Variants in KCNJ6 observed in about 807,000 individuals in gnomAD.
KCNJ6 encodes potassium inwardly rectifying channel subfamily J member 6, also known as G protein-activated inward rectifier potassium channel 2.
Under a neutral mutation model 34.2 loss-of-function variants are expected in KCNJ6, and 9 were observed. The observed-to-expected ratio is 0.26, with a 90% CI of 0.16 to 0.46. The LOEUF is 0.46. KCNJ6 is among the 20% of genes least tolerant of loss of function. The pLI is 1.00. For synonymous variants in KCNJ6, 196 were observed against 207.1 expected, an observed-to-expected ratio of 0.95 and a Z score of 0.46; for missense variants, 236 against 531.3, an observed-to-expected ratio of 0.44 and a Z score of 5.46.
chr21:37,705,497 A>C (rs1193642644), intron 3 of KCNJ6, among the ~76,000 whole-genome samples: 1 of 152,254 alleles, frequency 6.6e-6, no homozygotes, highest in African/African-American at 2.4e-5. Context: ...CTATGAGAAC[A>C]GTATGATTCA....
chr21:37,636,067 C>T (rs1029037612), intron 3 of KCNJ6, among the ~76,000 whole-genome samples: 2 of 152,166 alleles, frequency 1.3e-5, no homozygotes, highest in African/African-American at 2.4e-5. Flanking sequence ...GGTCTGAGAA[C>T]GTGGAGTACT....
At chr21:37,858,972 T>C (rs772463818) in intron 1 of KCNJ6, among the ~76,000 whole-genome samples, 16 of 152,208 alleles carry the variant, frequency 1.1e-4, no homozygotes, top group Non-Finnish European at 1.9e-4. Flanking sequence ...CAAAAGTTTC[T>C]GTCTAAAGAA....
chr21:37,677,725 C>A (rs1001378540), intron 3 of KCNJ6, among the ~76,000 whole-genome samples: 21 of 151,982 alleles, frequency 1.4e-4, no homozygotes, highest in African/African-American at 4.6e-4. Context: ...TCCATCCATC[C>A]ATCCACTTCC....
intron 1 of KCNJ6, among the ~76,000 whole-genome samples, chr21:37,850,738 C>T (rs575980852): frequency 9.8e-4 from 149 of 152,216 alleles, no homozygotes; most frequent in African/African-American, 3.4e-3. Flanking sequence ...GAATGGCTTA[C>T]GTTTGTCTAA....
At chr21:37,814,934 T>C (rs1470386199) in intron 2 of KCNJ6, among the ~76,000 whole-genome samples, 2 of 146,068 alleles carry the variant, frequency 1.4e-5, no homozygotes, top group Non-Finnish European at 3.0e-5. Context: ...AATTTTTCCA[T>C]GGATGGAAAA....
At chr21:37,698,349 C>T (rs2054673288) in intron 3 of KCNJ6, among the ~76,000 whole-genome samples, 1 of 152,226 alleles carries the variant, frequency 6.6e-6, no homozygotes, top group African/African-American at 2.4e-5. Flanking sequence ...CTTGCTGCAT[C>T]CTGGCAGTGA....
chr21:37,885,663 A>C (rs929411644), intron 1 of KCNJ6, among the ~76,000 whole-genome samples: 3 of 152,232 alleles, frequency 2.0e-5, no homozygotes, highest in Admixed American at 2.0e-4. Context: ...GACAGCCACA[A>C]GAATGGGAAT....
rs186729467 is a variant in KCNJ6 at position 37,884,185 on chromosome 21, C to T, written c.-28+31699G>A. ...CTCTAGTATGTCTGGGCCTATAAGC[C>T]AGGTGTGTCGTCAGGGCTCTATGGA... On this transcript the variant is annotated intron_variant, in intron 1 of 3. Coordinates refer to ENST00000609713, the MANE Select transcript of KCNJ6 (RefSeq NM_002240.5). Among the ~76,000 whole-genome samples the T allele has an allele frequency of 2.4e-3, 367 of 152,294 alleles. 1 individual carries two copies. Among genetic ancestry groups the T allele is most frequent in the Middle Eastern group, 0.02 (6 of 294 alleles).
intron 2 of KCNJ6, among the ~76,000 whole-genome samples, chr21:37,815,715 A>C (rs904276624): frequency 2.0e-5 from 3 of 152,242 alleles, no homozygotes; most frequent in African/African-American, 7.2e-5. Flanking sequence ...ATGTCAGGTG[A>C]GTATGATGAA....
intron 2 of KCNJ6, among the ~76,000 whole-genome samples, chr21:37,789,622 CTTGTTA>C (rs546470216): frequency 6.6e-6 from 1 of 152,320 alleles, no homozygotes; most frequent in East Asian, 1.9e-4. Context: ...GAAAGGTTAA[CTTGTTA>C]AGGTTAGCAT....
intron 1 of KCNJ6, among the ~76,000 whole-genome samples, chr21:37,851,328 G>A (rs2055536398): frequency 6.6e-6 from 1 of 152,238 alleles, no homozygotes; most frequent in South Asian, 2.1e-4. Context: ...GCAAAAAAGT[G>A]TAGGGTGCAG....
chr21:37,852,395 A>C (rs916842543), intron 1 of KCNJ6, among the ~76,000 whole-genome samples: 1 of 152,282 alleles, frequency 6.6e-6, no homozygotes, highest in South Asian at 2.1e-4. Context: ...TCACTCTTGC[A>C]AAGTGTTGGT....
chr21:37,796,016 G>T (rs2055239877), intron 2 of KCNJ6, among the ~76,000 whole-genome samples: 1 of 152,224 alleles, frequency 6.6e-6, no homozygotes, highest in Non-Finnish European at 1.5e-5. Context: ...AGATGTAGAA[G>T]AATAATCCGT....
intron 2 of KCNJ6, among the ~76,000 whole-genome samples, chr21:37,821,437 T>C (rs1317144534): frequency 6.6e-6 from 1 of 152,162 alleles, no homozygotes; most frequent in African/African-American, 2.4e-5. Flanking sequence ...GACATGCAGG[T>C]TTGTTATATA....
intron 2 of KCNJ6, among the ~76,000 whole-genome samples, chr21:37,741,021 C>A (rs2054938821): frequency 6.6e-6 from 1 of 152,200 alleles, no homozygotes; most frequent in Admixed American, 6.5e-5. Context: ...TCATCCCTCA[C>A]TGTTTCTTGG....
chr21:37,663,073 G>T (rs569101481), intron 3 of KCNJ6, among the ~76,000 whole-genome samples: 1 of 152,104 alleles, frequency 6.6e-6, no homozygotes, highest in South Asian at 2.1e-4. Context: ...TAATATATTA[G>T]GATAAAATTC....
intron 2 of KCNJ6, among the ~76,000 whole-genome samples, chr21:37,718,833 A>G (rs1485677551): frequency 6.6e-6 from 1 of 152,212 alleles, no homozygotes; most frequent in African/African-American, 2.4e-5. Context: ...AAAAAATACA[A>G]TAACAATGGG....
intron 2 of KCNJ6, among the ~76,000 whole-genome samples, chr21:37,720,793 C>T (rs895766715): frequency 7.3e-5 from 11 of 151,386 alleles, no homozygotes; most frequent in Non-Finnish European, 1.6e-4. Context: ...CTGCAAGCTC[C>T]GCTTCCCGGG....
chr21:37,697,143 A>G (rs1014665109), intron 3 of KCNJ6, among the ~76,000 whole-genome samples: 2 of 152,090 alleles, frequency 1.3e-5, no homozygotes, highest in Non-Finnish European at 2.9e-5. Context: ...AGAAGACCAT[A>G]AGACGATTGT....
Sources: gnomAD v4.1 joint callset for allele counts (sites outside exome capture counted in the v4.1 genomes callset) on GRCh38, gnomAD v4.1.1 for gene constraint, MANE v1.5 for transcripts, NCBI Gene and HGNC (gene_info 2026-07-23, HGNC 2026-07-21) for gene names.